Variants in MAPK10 observed in about 807,000 individuals in gnomAD.
MAPK10 encodes the protein JNK3 alpha protein kinase.
In MAPK10, 25 loss-of-function variants were observed where a neutral mutation model predicts 59.3. The observed-to-expected ratio is 0.42, with a 90% CI of 0.31 to 0.59. The LOEUF (loss-of-function observed/expected upper bound fraction) is 0.59. Ranked by LOEUF, MAPK10 falls within the 20% of genes least tolerant of loss-of-function variation. The pLI, the probability that MAPK10 is intolerant of heterozygous loss-of-function variation, is 0.15. For synonymous variants in MAPK10, 190 were observed against 200.5 expected (o/e 0.95, Z 0.44); for missense variants, 351 against 568.9 (o/e 0.62, Z 3.90).
At chr4:86,494,365 G>A (rs1277181242) in intron 1 of MAPK10, among the ~76,000 whole-genome samples, 1 of 152,206 alleles carries the variant, frequency 6.6e-6, no homozygotes, top group Non-Finnish European at 1.5e-5. Flanking sequence ...GCAACACTCA[G>A]CCTCCTTGGA....
chr4:86,325,484 A>C (rs1015727683), intron 2 of MAPK10, among the ~76,000 whole-genome samples: 1 of 152,248 alleles, frequency 6.6e-6, no homozygotes, highest in Admixed American at 6.5e-5. Flanking sequence ...ACTGCCTCTG[A>C]AATTTCATTT....
chr4:86,540,113 T>A (rs1484037919), intron 1 of MAPK10, among the ~76,000 whole-genome samples: 3 of 152,226 alleles, frequency 2.0e-5, no homozygotes, highest in Non-Finnish European at 4.4e-5. Context: ...ATCAGAGCCA[T>A]TGTCTTTGGG....
chr4:86,505,400 C>T (rs906097704), intron 1 of MAPK10, among the ~76,000 whole-genome samples: 5 of 151,922 alleles, frequency 3.3e-5, no homozygotes, highest in Non-Finnish European at 7.4e-5. Flanking sequence ...TGCTTGAGCC[C>T]AGGAGCTCAA....
chr4:86,104,617 A>G (rs2056208003), intron 5 of MAPK10, among the ~76,000 whole-genome samples: 1 of 152,134 alleles, frequency 6.6e-6, no homozygotes, highest in South Asian at 2.1e-4. Flanking sequence ...CATTACATCC[A>G]CACAAACATT....
intron 1 of MAPK10, among the ~76,000 whole-genome samples, chr4:86,487,172 T>TA (rs1754059996): frequency 6.6e-6 from 1 of 152,138 alleles, no homozygotes; most frequent in African/African-American, 2.4e-5. Flanking sequence ...TTAGGGCAAT[T>TA]TGCAAATTAG....
chr4:86,403,277 A>G (rs903678614), intron 1 of MAPK10, among the ~76,000 whole-genome samples: 3 of 152,066 alleles, frequency 2.0e-5, no homozygotes. Flanking sequence ...CACTTTGAGA[A>G]GTCAAGGCGG....
chr4:86,041,264 A>G (rs1439446013), intron 11 of MAPK10, among the ~76,000 whole-genome samples: 1 of 152,232 alleles, frequency 6.6e-6, no homozygotes, highest in Non-Finnish European at 1.5e-5. Flanking sequence ...GATGCTGGGA[A>G]AACTGCCTAG....
At chr4:86,353,507 A>C (rs975646185) in intron 2 of MAPK10, among the ~76,000 whole-genome samples, 2 of 152,162 alleles carry the variant, frequency 1.3e-5, no homozygotes, top group Non-Finnish European at 2.9e-5. Context: ...AATTGCATAA[A>C]ATTATTTATA....
chr4:86,218,211 T>G (rs187880705), intron 2 of MAPK10, among the ~76,000 whole-genome samples: 16 of 152,276 alleles, frequency 1.1e-4, no homozygotes, highest in African/African-American at 3.9e-4. Context: ...TATTATTTAT[T>G]TATTTATTTT....
At chr4:86,520,216 A>G (rs766922085) in intron 1 of MAPK10, among the ~76,000 whole-genome samples, 10 of 152,162 alleles carry the variant, frequency 6.6e-5, no homozygotes, top group Admixed American at 2.0e-4. Flanking sequence ...AAGCTTTCCA[A>G]ACTTTTAGAT....
intron 1 of MAPK10, among the ~76,000 whole-genome samples, chr4:86,452,782 C>T (rs1157827516): frequency 6.6e-6 from 1 of 152,208 alleles, no homozygotes; most frequent in South Asian, 2.1e-4. Flanking sequence ...AGCTCCCACT[C>T]GGACAGACAG....
At chr4:86,077,699 A>C (rs1469153504) in intron 9 of MAPK10, among the ~76,000 whole-genome samples, 1 of 152,066 alleles carries the variant, frequency 6.6e-6, no homozygotes, top group Admixed American at 6.5e-5. Flanking sequence ...TTTGTGCAAA[A>C]ATTTTCTGAC....
At chr4:86,404,064 C>G (rs1243012758) in intron 1 of MAPK10, among the ~76,000 whole-genome samples, 1 of 152,120 alleles carries the variant, frequency 6.6e-6, no homozygotes, top group Admixed American at 6.5e-5. Context: ...GATGTCAGGT[C>G]CAAACTTGCA....
chr4:86,381,347 C>T (rs1191657378), intron 1 of MAPK10, among the ~76,000 whole-genome samples: 1 of 152,120 alleles, frequency 6.6e-6, no homozygotes, highest in Non-Finnish European at 1.5e-5. Flanking sequence ...CTCCATCAAC[C>T]CTAATCCAAA....
intron 1 of MAPK10, among the ~76,000 whole-genome samples, chr4:86,557,127 T>TA (rs890797456): frequency 6.0e-5 from 9 of 151,136 alleles, no homozygotes; most frequent in East Asian, 5.8e-4. Context: ...AATTTGGGAT[T>TA]AAAAAAAAAT....
chr4:86,341,820 G>GAAAA (rs71657572), intron 2 of MAPK10, among the ~76,000 whole-genome samples: 5 of 140,968 alleles, frequency 3.5e-5, no homozygotes, highest in Non-Finnish European at 6.1e-5. Context: ...GACCAAAAAA[G>GAAAA]AAAAAAAAAA....
At position 86,252,155 on chromosome 4, in the gene MAPK10, G is replaced by A. The variant is rs199896955; in HGVS notation, c.-6-57748C>T. Among the ~76,000 whole-genome samples, 5 of 125,130 alleles carry A rather than the reference G, an allele frequency of 4.0e-5. 1 individual carries two copies. Among genetic ancestry groups the A allele is most frequent in the African/African-American group, 1.3e-4 (3 of 22,428 alleles). 82.1% of individuals were successfully genotyped at this position (125,130 alleles called of 152,430 possible). On this transcript the variant is annotated intron_variant, in intron 2 of 13. Transcript: ENST00000641462. Reference sequence around the variant, plus strand: ...CACTCTGATGGTAGTTTCTTTTGCTGTGCAGAAGTTCTTTAGTTTAATTAG... The same window carrying A: ...CACTCTGATGGTAGTTTCTTTTGCTATGCAGAAGTTCTTTAGTTTAATTAG...
intron 1 of MAPK10, among the ~76,000 whole-genome samples, chr4:86,418,375 GA>G (rs1440181638): frequency 6.6e-6 from 1 of 152,100 alleles, no homozygotes; most frequent in African/African-American, 2.4e-5. Context: ...CAGTGCCACA[GA>G]AGTGTTCCAT....
intron 3 of MAPK10, among the ~76,000 whole-genome samples, chr4:86,187,388 C>T (rs1477822083): frequency 6.6e-6 from 1 of 152,156 alleles, no homozygotes; most frequent in Admixed American, 6.6e-5. Flanking sequence ...ATTATATGGA[C>T]GTGCTGCACA....
Sources: gnomAD v4.1 joint callset for allele counts (sites outside exome capture counted in the v4.1 genomes callset) on GRCh38, gnomAD v4.1.1 for gene constraint, MANE v1.5 for transcripts, NCBI Gene and HGNC (gene_info 2026-07-23, HGNC 2026-07-21) for gene names.